The following SDK1 variants were observed in gnomAD, a reference collection of about 807,000 sequenced individuals.
SDK1 encodes protein sidekick-1.
Under a neutral mutation model 245.5 loss-of-function variants are expected in SDK1, and 157 were observed. That is an observed-to-expected ratio of 0.64 (90% confidence interval 0.56 to 0.73). The LOEUF is 0.73. Among genes scored for constraint, SDK1 ranks in the 30% least tolerant of loss-of-function variants. The pLI is 0.00. For missense variants in SDK1, 3,583 were observed against 3,002.3 expected, an observed-to-expected ratio of 1.19 and a Z score of -4.52; for synonymous variants, 1,647 against 1,278.5, an observed-to-expected ratio of 1.29 and a Z score of -6.15.
intron 2 of SDK1, among the ~76,000 whole-genome samples, chr7:3,620,078 T>C (rs938984472): frequency 1.3e-5 from 2 of 152,168 alleles, no homozygotes; most frequent in Admixed American, 6.5e-5. Flanking sequence ...TGCTTTTCTT[T>C]AGATGAAATA....
At chr7:3,798,587 G>C (rs1206531512) in intron 4 of SDK1, among the ~76,000 whole-genome samples, 1 of 152,092 alleles carries the variant, frequency 6.6e-6, no homozygotes, top group African/African-American at 2.4e-5. Context: ...CTTGTCTGAT[G>C]GTTTCTCACG....
chr7:3,549,387 A>G (rs1261573656), intron 1 of SDK1, among the ~76,000 whole-genome samples: 1 of 152,230 alleles, frequency 6.6e-6, no homozygotes, highest in East Asian at 1.9e-4. Context: ...AATCTTGCCA[A>G]GTATTTGATA....
intron 36 of SDK1, among the ~76,000 whole-genome samples, chr7:4,207,489 A>G (rs1360615476): frequency 2.6e-5 from 4 of 152,232 alleles, no homozygotes; most frequent in Admixed American, 1.3e-4. Context: ...CCCCAGAGGA[A>G]TGAGGCCTTC....
At chr7:4,250,902 C>T (rs1031070035) in intron 44 of SDK1, among the ~76,000 whole-genome samples, 3 of 152,210 alleles carry the variant, frequency 2.0e-5, no homozygotes, top group South Asian at 2.1e-4. Context: ...ACTTTTTCAT[C>T]GCTCTAAAAA....
chr7:3,413,723 A>ACACC (rs1779279336), intron 1 of SDK1, among the ~76,000 whole-genome samples: 1 of 152,002 alleles, frequency 6.6e-6, no homozygotes, highest in Admixed American at 6.6e-5. Flanking sequence ...GAGGCTGTGC[A>ACACC]TGGTGGCTCA....
intron 1 of SDK1, among the ~76,000 whole-genome samples, chr7:3,342,481 A>G (rs1780374145): frequency 6.6e-6 from 1 of 152,022 alleles, no homozygotes; most frequent in South Asian, 2.1e-4. Context: ...CCAGTTACTC[A>G]GGAGGCTGAG....
chr7:3,418,166 A>AAAAAAAAAAG (rs1779432216), intron 1 of SDK1, among the ~76,000 whole-genome samples: 1 of 137,452 alleles, frequency 7.3e-6, no homozygotes, highest in African/African-American at 2.5e-5. Flanking sequence ...AAAAAAAAAA[A>AAAAAAAAAAG]AATAGCTGAG....
chr7:3,610,039 C>G (rs1411198687), intron 1 of SDK1, among the ~76,000 whole-genome samples: 1 of 152,206 alleles, frequency 6.6e-6, no homozygotes, highest in African/African-American at 2.4e-5. Context: ...AAAGTACTTG[C>G]TCTAAACTCA....
chr7:3,692,844 C>G (rs1784472254), intron 4 of SDK1, among the ~76,000 whole-genome samples: 1 of 151,928 alleles, frequency 6.6e-6, no homozygotes, highest in Admixed American at 6.6e-5. Context: ...GTTTACGTAT[C>G]CTTGGCACCA....
At chr7:3,368,169 A>G (rs1562444469) in intron 1 of SDK1, among the ~76,000 whole-genome samples, 2 of 152,212 alleles carry the variant, frequency 1.3e-5, no homozygotes, top group Non-Finnish European at 2.9e-5. Flanking sequence ...GAAATCTGAA[A>G]CCAATAACGT....
chr7:3,315,520 G>A (rs1779642861), intron 1 of SDK1, among the ~76,000 whole-genome samples: 1 of 152,134 alleles, frequency 6.6e-6, no homozygotes, highest in South Asian at 2.1e-4. Flanking sequence ...GCACATGCAA[G>A]TAGAAAAGGG....
chr7:3,386,631 T>A (rs1328637808), intron 1 of SDK1, among the ~76,000 whole-genome samples: 6 of 152,206 alleles, frequency 3.9e-5, no homozygotes, highest in African/African-American at 1.2e-4. Context: ...AGTCCACCTG[T>A]TCACCATTTA....
At chr7:3,402,258 T>C (rs1038622945) in intron 1 of SDK1, among the ~76,000 whole-genome samples, 13 of 152,216 alleles carry the variant, frequency 8.5e-5, no homozygotes, top group Non-Finnish European at 1.8e-4. Flanking sequence ...TAATGAAGAC[T>C]GGAGAATGAA....
At chr7:4,248,367 T>C (rs1298414189) in intron 44 of SDK1, among the ~76,000 whole-genome samples, 5 of 151,306 alleles carry the variant, frequency 3.3e-5, no homozygotes, top group Non-Finnish European at 5.9e-5. Context: ...TTTACCTAAA[T>C]ACAACATACA....
At chr7:4,197,412 C>T (rs1024333873) in intron 35 of SDK1, among the ~76,000 whole-genome samples, 2 of 152,128 alleles carry the variant, frequency 1.3e-5, no homozygotes, top group African/African-American at 4.8e-5. Context: ...CGCTTGAGCC[C>T]AGAAGGTTGA....
chr7:3,730,699 G>T (rs1008331489), intron 4 of SDK1, among the ~76,000 whole-genome samples: 1 of 152,066 alleles, frequency 6.6e-6, no homozygotes, highest in Non-Finnish European at 1.5e-5. Context: ...CAATATTAAC[G>T]TTCATATTCC....
chr7:3,381,925 T>TAGTA (rs1781497832), intron 1 of SDK1, among the ~76,000 whole-genome samples: 1 of 152,150 alleles, frequency 6.6e-6, no homozygotes, highest in East Asian at 1.9e-4. Context: ...TGATACCTAC[T>TAGTA]AGTACTACAG....
intron 4 of SDK1, among the ~76,000 whole-genome samples, chr7:3,768,261 G>A (rs559660017): frequency 6.6e-6 from 1 of 152,294 alleles, no homozygotes; most frequent in African/African-American, 2.4e-5. Context: ...CAGAAAAACT[G>A]TTGCTTTGAA....
At chr7:3,528,409 T>A (rs58028517) in intron 1 of SDK1, among the ~76,000 whole-genome samples, 37,290 of 151,750 alleles carry the variant, frequency 0.25, 4,823 homozygotes, top group East Asian at 0.33. Context: ...CCTGGAAAGG[T>A]AGCAGAAGTG....
Sources: gnomAD v4.1 joint callset for allele counts (sites outside exome capture counted in the v4.1 genomes callset) on GRCh38, gnomAD v4.1.1 for gene constraint, MANE v1.5 for transcripts, NCBI Gene and HGNC (gene_info 2026-07-23, HGNC 2026-07-21) for gene names.